OSBPL11: variants seen among roughly 807,000 people sequenced by gnomAD.
OSBPL11 encodes oxysterol binding protein like 11.
OSBPL11 carries 33 observed loss-of-function variants against 84.4 expected under a neutral mutation model. The observed-to-expected ratio is 0.39, with a 90% CI of 0.30 to 0.52. The LOEUF is 0.52. OSBPL11 is among the 20% of genes least tolerant of loss of function. OSBPL11 has a pLI of 0.72. For synonymous variants in OSBPL11, 276 were observed against 310.2 expected, an observed-to-expected ratio of 0.89 and a Z score of 1.16; for missense variants, 736 against 901.1, an observed-to-expected ratio of 0.82 and a Z score of 2.35.
At chr3:125,588,440 T>A (rs1936548188) in intron 1 of OSBPL11, among the ~76,000 whole-genome samples, 1 of 152,160 alleles carries the variant, frequency 6.6e-6, no homozygotes, top group Non-Finnish European at 1.5e-5. Context: ...TCCACAGTCA[T>A]ATGAGCCAAT....
At chr3:125,540,324 G>C (rs1263164502) in intron 10 of OSBPL11, among the ~76,000 whole-genome samples, 1 of 71,624 alleles carries the variant, frequency 1.4e-5, no homozygotes, top group Admixed American at 1.6e-4. Context: ...GGATGGCTCT[G>C]TCTCAAAAAA....
At chr3:125,557,732 T>C (rs1361667429) in intron 8 of OSBPL11, among the ~76,000 whole-genome samples, 2 of 151,692 alleles carry the variant, frequency 1.3e-5, no homozygotes, top group African/African-American at 4.8e-5. Flanking sequence ...GTTGTATAGA[T>C]GTTCTTAATT....
At chr3:125,535,437 ATC>A (rs753270612) in intron 11 of OSBPL11, among the ~76,000 whole-genome samples, 1 of 126,876 alleles carries the variant, frequency 7.9e-6, no homozygotes, top group African/African-American at 3.1e-5. Context: ...ATTCAGAAGC[ATC>A]TTTTTTTTTT....
intron 3 of OSBPL11, among the ~76,000 whole-genome samples, chr3:125,579,485 A>C (rs548868543): frequency 6.6e-6 from 1 of 152,380 alleles, no homozygotes; most frequent in East Asian, 1.9e-4. Context: ...AATGAATGAC[A>C]TTATAATAAA....
At position 125,560,436 on chromosome 3, in the gene OSBPL11, T is replaced by C. The variant is rs1406151033; in HGVS notation, c.1098A>G (p.Gln366=). Residue 366 remains glutamine (Q), a synonymous_variant, in exon 8 of 13, where the codon CAA becomes CAG. Transcript: ENST00000296220. ...KEDDLGAVEE[Q]RSVILHLLSQ... is the part of the protein sequence containing the mutation. ...ACAAGAGATGTAGGATGACACTACG[T>C]TGTTCTTCTACAGCTCCCAGGTCAT... The C allele has an allele frequency of 2.5e-6, 4 of 1,608,668 alleles. No homozygotes were observed. The highest frequency in any genetic ancestry group is 2.5e-6 in the Non-Finnish European group (3 of 1,176,958).
At chr3:125,590,152 A>G (rs1042058833) in intron 1 of OSBPL11, among the ~76,000 whole-genome samples, 6 of 152,254 alleles carry the variant, frequency 3.9e-5, no homozygotes, top group Non-Finnish European at 8.8e-5. Flanking sequence ...TGGGAAATCT[A>G]TCTTCTCTGT....
chr3:125,548,314 T>G (rs1935849670), intron 9 of OSBPL11, among the ~76,000 whole-genome samples: 1 of 152,172 alleles, frequency 6.6e-6, no homozygotes, highest in South Asian at 2.1e-4. Context: ...GTCATAGACA[T>G]TCATCTAAGA....
chr3:125,572,878 TTA>T (rs941700754), intron 5 of OSBPL11, among the ~76,000 whole-genome samples: 2 of 146,296 alleles, frequency 1.4e-5, no homozygotes, highest in Non-Finnish European at 3.0e-5. Context: ...TATATATATT[TTA>T]TATATATAAA....
chr3:125,550,699 ACT>A (rs1250072483), intron 9 of OSBPL11, among the ~76,000 whole-genome samples: 1 of 151,878 alleles, frequency 6.6e-6, no homozygotes, highest in African/African-American at 2.4e-5. Context: ...ATTTTCATTA[ACT>A]CTTCAATAAT....
At chr3:125,544,548 C>A (rs1935783033) in intron 10 of OSBPL11, among the ~76,000 whole-genome samples, 1 of 152,226 alleles carries the variant, frequency 6.6e-6, no homozygotes, top group Admixed American at 6.5e-5. Context: ...GGCAAGTTCT[C>A]CAAATCCAAG....
rs1935530336 is a variant in OSBPL11, at chr3:125,529,814, G to C, written c.*701C>G. The C allele has an allele frequency of 6.6e-6, 1 of 152,532 alleles. No individual in the cohort carries two copies. The highest frequency in any genetic ancestry group is 2.1e-4 in the South Asian group (1 of 4,834). 9.4% of individuals were successfully genotyped at this position (152,532 alleles called of 1,614,324 possible). A position where few individuals can be genotyped will look rare whatever the true frequency, so the allele number is the denominator to read the frequency against. On this transcript the variant is annotated 3_prime_UTR_variant, in exon 13 of 13. Coordinates refer to ENST00000296220, the MANE Select transcript of OSBPL11 (RefSeq NM_022776.5). ...TTCTGAAATTTTTCAAGTCAATGTTGTTTTCAAGTATATTAAAATGCTCAG... is the reference window on the plus strand; with the variant it reads ...TTCTGAAATTTTTCAAGTCAATGTTCTTTTCAAGTATATTAAAATGCTCAG...
intron 10 of OSBPL11, among the ~76,000 whole-genome samples, chr3:125,545,313 T>A (rs1935794641): frequency 6.6e-6 from 1 of 152,226 alleles, no homozygotes; most frequent in South Asian, 2.1e-4. Flanking sequence ...GGAAGTATGT[T>A]GAGCATCATG....
At chr3:125,531,791 A>G in intron 12 of OSBPL11, 70 bp downstream of exon 12, 2 of 1,426,536 alleles carry the variant, frequency 1.4e-6, no homozygotes, top group South Asian at 2.8e-5. Context: ...TAGCAATTCA[A>G]CAAAGCCTAG....
intron 11 of OSBPL11, among the ~76,000 whole-genome samples, chr3:125,533,167 C>T (rs55845046): frequency 0.16 from 24,247 of 150,256 alleles, 2,318 homozygotes; most frequent in African/African-American, 0.27. Context: ...CCTTTCTTTC[C>T]TCCCCCCTTC....
chr3:125,564,956 C>T (rs1580052933), intron 6 of OSBPL11, among the ~76,000 whole-genome samples: 1 of 152,140 alleles, frequency 6.6e-6, no homozygotes, highest in African/African-American at 2.4e-5. Context: ...TGCCCGGCCA[C>T]AAATGAAATT....
chr3:125,589,793 T>C (rs1936570512), intron 1 of OSBPL11, among the ~76,000 whole-genome samples: 1 of 152,234 alleles, frequency 6.6e-6, no homozygotes, highest in Non-Finnish European at 1.5e-5. Flanking sequence ...CACAAAATTA[T>C]TGTGGTCTGA....
rs1430108494 is a variant in OSBPL11 at position 125,532,028 on chromosome 3, A to G, written c.2025-14T>C. On this transcript the variant is annotated splice_polypyrimidine_tract_variant and intron_variant, in intron 11 of 12. Coordinates refer to ENST00000296220, the MANE Select transcript of OSBPL11 (RefSeq NM_022776.5). ...TTCCACAATCGCCTGAAATCCAAAA[A>G]CCACACATTTTACAAGCATTCTTTA... 1.3e-6 allele frequency: 2 copies of G among 1,594,868 alleles called. No homozygotes were observed. The highest frequency in any genetic ancestry group is 1.7e-6 in the Non-Finnish European group (2 of 1,174,114).
chr3:125,563,406 ATAAGT>A (rs1355590628), intron 7 of OSBPL11, among the ~76,000 whole-genome samples: 15 of 152,228 alleles, frequency 9.9e-5, no homozygotes, highest in Admixed American at 2.0e-4. Context: ...ATCTCATTAG[ATAAGT>A]TATTTTCTAG....
chr3:125,575,665 T>A (rs890134101), intron 5 of OSBPL11, among the ~76,000 whole-genome samples: 49 of 151,492 alleles, frequency 3.2e-4, no homozygotes, highest in African/African-American at 1.1e-3. Context: ...GAGTAGCTGG[T>A]ACGACAGGTG....
Sources: allele counts gnomAD v4.1 joint callset (sites outside exome capture counted in the v4.1 genomes callset), GRCh38; gene constraint gnomAD v4.1.1; transcripts MANE v1.5; gene names NCBI Gene and HGNC (gene_info 2026-07-23, HGNC 2026-07-21).